Variants in ZZEF1 observed in about 807,000 individuals in gnomAD.
ZZEF1 encodes zinc finger ZZ-type and EF-hand domain containing 1, also known as zinc finger ZZ-type and EF-hand domain-containing protein 1.
A neutral mutation model predicts 342.8 loss-of-function variants in ZZEF1; 157 were observed. The ratio of observed to expected loss-of-function variants is 0.46; its 90% CI spans 0.40 to 0.52. ZZEF1 has a LOEUF of 0.52. ZZEF1 is among the 20% of genes least tolerant of loss of function. The pLI is 0.00. For missense variants in ZZEF1, 3,480 were observed against 3,725.6 expected (o/e 0.93, Z 1.72); for synonymous variants, 1,505 against 1,429.1 (o/e 1.05, Z -1.20).
intron 30 of ZZEF1, among the ~76,000 whole-genome samples, chr17:4,059,507 G>A (rs142154871): frequency 6.6e-6 from 1 of 152,260 alleles, no homozygotes; most frequent in Non-Finnish European, 1.5e-5. Flanking sequence ...CAGAAGCATG[G>A]AGATGAGATT....
intron 23 of ZZEF1, 116 bp from the exon 24 acceptor site, chr17:4,074,467 T>G (rs1454355770): frequency 9.4e-7 from 1 of 1,066,316 alleles, no homozygotes; most frequent in African/African-American, 1.6e-5. Flanking sequence ...TATTTCCACA[T>G]GTCCAAAATG....
chr17:4,086,681 G>C (rs199899758), intron 14 of ZZEF1, 26 bp from the exon 15 acceptor site: 398 of 1,611,778 alleles, frequency 2.5e-4, no homozygotes, highest in Middle Eastern at 6.2e-4. Context: ...AAACATCAGA[G>C]AGCAAAAGGG....
At chr17:4,034,382 G>T in intron 39 of ZZEF1, 90 bp from the exon 40 acceptor site, 1 of 1,394,848 alleles carries the variant, frequency 7.2e-7, no homozygotes, top group South Asian at 1.3e-5. Context: ...CTTATTTACA[G>T]CTGGCCTAGT....
intron 27 of ZZEF1, 114 bp downstream of exon 27, chr17:4,067,049 C>T: frequency 1.2e-6 from 1 of 863,032 alleles, no homozygotes; most frequent in South Asian, 1.8e-5. Flanking sequence ...TAAACTTTAG[C>T]TTAACAAAAA....
chr17:4,042,237 A>T (rs1344253878), intron 39 of ZZEF1, among the ~76,000 whole-genome samples, 192 bp downstream of exon 39: 1 of 148,396 alleles, frequency 6.7e-6, no homozygotes, highest in Non-Finnish European at 1.5e-5. Flanking sequence ...ATATATAAAT[A>T]TATTGTTTTA....
chr17:4,080,934 T>C (rs2057712147), intron 18 of ZZEF1, among the ~76,000 whole-genome samples: 1 of 152,070 alleles, frequency 6.6e-6, no homozygotes, highest in South Asian at 2.1e-4. Context: ...TTTGTAAGAG[T>C]CAAGTAACAA....
chr17:4,069,767 G>T (rs1296673552), intron 26 of ZZEF1, among the ~76,000 whole-genome samples: 1 of 152,198 alleles, frequency 6.6e-6, no homozygotes. Context: ...GGAGGTGGAG[G>T]TTGTGGTGAG....
At chr17:4,097,174 T>G (rs8069078) in intron 9 of ZZEF1, among the ~76,000 whole-genome samples, 25,116 of 150,220 alleles carry the variant, frequency 0.17, 2,153 homozygotes, top group East Asian at 0.18. Flanking sequence ...GACAGGAGAA[T>G]GGCGTGAACC....
rs1468653698 is a variant in ZZEF1 at position 4,090,827 on chromosome 17, A to G, written c.1917T>C (p.Ile639=). The change falls in exon 12 of 55, where the codon ATT becomes ATC. Residue 639 remains isoleucine, a synonymous_variant. Transcript: ENST00000381638. ...CTCCAAGGTCATCAGATGAGCAACC[A>G]ATCCTGTAAAGACAAGAGTATTCAC... ...QELRQFVKSR[I]GCSSDDLGED... is the part of the protein sequence containing the mutation. 2 of 1,612,790 alleles carry G rather than the reference A, an allele frequency of 1.2e-6. No individual in the cohort carries two copies. The highest frequency in any genetic ancestry group is 1.3e-5 in the African/African-American group (1 of 75,050).
chr17:4,109,060 T>G (rs1317309624), intron 6 of ZZEF1, among the ~76,000 whole-genome samples: 2 of 152,256 alleles, frequency 1.3e-5, no homozygotes, highest in Admixed American at 1.3e-4. Flanking sequence ...CTTTTTGCCC[T>G]AATGATTTTT....
At chr17:4,020,808 A>T (rs891298363) in intron 45 of ZZEF1, among the ~76,000 whole-genome samples, 1 of 152,238 alleles carries the variant, frequency 6.6e-6, no homozygotes, top group Admixed American at 6.5e-5. Context: ...TATCGTATAG[A>T]GTTCATGGAC....
chr17:4,120,621 T>C (rs1279387904), intron 2 of ZZEF1, among the ~76,000 whole-genome samples: 1 of 152,150 alleles, frequency 6.6e-6, no homozygotes, highest in African/African-American at 2.4e-5. Flanking sequence ...ATACTGCTGA[T>C]GCTGCACTGT....
chr17:4,099,797 C>T (rs183025647), intron 9 of ZZEF1, among the ~76,000 whole-genome samples: 92 of 152,200 alleles, frequency 6.0e-4, no homozygotes, highest in Middle Eastern at 3.4e-3. Flanking sequence ...CTGCCTGCTT[C>T]GGCCTCCCAA....
chr17:4,142,755 G>A lies in ZZEF1; in HGVS notation c.141C>T (p.Ala47=). Residue 47 remains alanine (A), a synonymous_variant, in exon 1 of 55, where the codon GCC becomes GCT. Transcript: ENST00000381638. The stretch of plus-strand genomic sequence containing the variant: ...GCCTGGCCGGCTCCAGCAGCGCCGC[G>A]GCGGGTGGTAGCGCTGGAGCCGCGA... ...PGVAAPALPP[A]AALLEPARLR... is the part of the protein sequence containing the mutation. 3.4e-6 allele frequency: 5 copies of A among 1,482,824 alleles called. No individual in the cohort carries two copies. Among genetic ancestry groups the A allele is most frequent in the Non-Finnish European group, 2.7e-6 (3 of 1,122,862 alleles). The allele number at this position is 1,482,824 out of a possible 1,614,324, so 91.9% of individuals were successfully genotyped here.
intron 35 of ZZEF1, 84 bp from the exon 36 acceptor site, chr17:4,051,127 C>A: frequency 6.3e-7 from 1 of 1,594,652 alleles, no homozygotes; most frequent in East Asian, 2.2e-5. Context: ...CTTAGGAGAG[C>A]ATGTGGTCGC....
intron 2 of ZZEF1, 91 bp from the exon 3 acceptor site, chr17:4,117,257 T>G: frequency 1.0e-6 from 1 of 960,214 alleles, no homozygotes; most frequent in Non-Finnish European, 1.6e-6. Flanking sequence ...TTGGCTAAAT[T>G]AAAAGCAGTC....
intron 36 of ZZEF1, 83 bp downstream of exon 36, chr17:4,050,698 A>C: frequency 6.3e-7 from 1 of 1,588,478 alleles, no homozygotes; most frequent in South Asian, 1.1e-5. Flanking sequence ...CCTGTAAACT[A>C]AGCTTAGTAT....
rs2056136326 is a variant in ZZEF1, at chr17:4,017,441, C to T, written c.7931G>A (p.Ser2644Asn). 6.2e-7 allele frequency: 1 copy of T among 1,613,978 alleles called. No homozygotes were observed. The highest frequency in any genetic ancestry group is 8.5e-7 in the Non-Finnish European group (1 of 1,179,846). ...VPVSEDILEL[S>N]GPAHMTYILD... The stretch of plus-strand genomic sequence containing the variant: ...AATGTAGGTCATATGGGCAGGGCCA[C>T]TGAGCTCCAGGATGTCCTCGCTCAC... Residue 2644 changes from serine to asparagine, a missense_variant, in exon 48 of 55, where the codon AGT becomes AAT. Around this residue, in one of 5 missense-constraint regions of ZZEF1, gnomAD observed 1,269 missense variants for 1,342.4 expected, o/e 0.95. Coordinates refer to ENST00000381638, the MANE Select transcript of ZZEF1 (RefSeq NM_015113.4). The surrounding 1 kb of genome is among the most constrained non-coding windows in gnomAD (Gnocchi z 5.1).
At position 4,009,650 on chromosome 17, in the gene ZZEF1, T is replaced by C; in HGVS notation, c.8687A>G (p.His2896Arg). The C allele has an allele frequency of 6.2e-7, 1 of 1,613,966 alleles. No homozygotes were observed. The highest frequency in any genetic ancestry group is 8.5e-7 in the Non-Finnish European group (1 of 1,180,020). ...GAAGAAGAGCTCAGTGAGGGCACGATGCAGGGGAAGGAGGATGCCGGGCTG... is the reference window on the plus strand; with the variant it reads ...GAAGAAGAGCTCAGTGAGGGCACGACGCAGGGGAAGGAGGATGCCGGGCTG... The part of the protein sequence containing the change: ...VTQPGILLPL[H>R]RALTELFFVT... Residue 2896 changes from histidine to arginine, a missense_variant, in exon 53 of 55, where the codon CAT (histidine) becomes CGT (arginine). By Grantham distance (29) the His-to-Arg change is conservative (BLOSUM62 0). Transcript: ENST00000381638.
Sources: allele counts gnomAD v4.1 joint callset (sites outside exome capture counted in the v4.1 genomes callset), GRCh38; gene constraint gnomAD v4.1.1; regional missense constraint gnomAD v4.1.1; non-coding constraint Gnocchi (gnomAD v3.1); transcripts MANE v1.5; gene names NCBI Gene and HGNC (gene_info 2026-07-23, HGNC 2026-07-21).